CDH18: variants seen among roughly 807,000 people sequenced by gnomAD.
The protein encoded by CDH18 is cadherin 18.
CDH18 carries 31 observed loss-of-function variants against 67.9 expected under a neutral mutation model. The observed-to-expected ratio is 0.46, with a 90% CI of 0.34 to 0.62. The LOEUF (loss-of-function observed/expected upper bound fraction) is 0.62, where lower values mean the gene tolerates loss of function less well. Among genes scored for constraint, CDH18 ranks in the 20% least tolerant of loss-of-function variants. The pLI is 0.01. For missense variants in CDH18, 890 were observed against 975.5 expected, an observed-to-expected ratio of 0.91 and a Z score of 1.17; for synonymous variants, 362 against 347.2, an observed-to-expected ratio of 1.04 and a Z score of -0.48.
intron 5 of CDH18, among the ~76,000 whole-genome samples, chr5:19,705,568 G>T (rs973565816): frequency 6.6e-6 from 1 of 152,110 alleles, no homozygotes; most frequent in Non-Finnish European, 1.5e-5. Flanking sequence ...TAGATCCAGA[G>T]AATACTCTAG....
chr5:20,048,962 G>T (rs1053742283), intron 2 of CDH18, among the ~76,000 whole-genome samples: 1 of 151,578 alleles, frequency 6.6e-6, no homozygotes, highest in Non-Finnish European at 1.5e-5. Flanking sequence ...TTCAAGGAAT[G>T]CATTTACACT....
intron 1 of CDH18, among the ~76,000 whole-genome samples, chr5:20,433,067 T>C (rs1277071983): frequency 6.6e-6 from 1 of 150,410 alleles, no homozygotes; most frequent in South Asian, 2.1e-4. Flanking sequence ...TAAAACACTA[T>C]GTTAGTCACG....
intron 4 of CDH18, among the ~76,000 whole-genome samples, chr5:19,737,855 ATACT>A (rs773481256): frequency 3.2e-4 from 48 of 152,208 alleles, no homozygotes; most frequent in Non-Finnish European, 5.1e-4. Context: ...ATTTTTAGTG[ATACT>A]TGAATGATGA....
At chr5:19,484,456 T>G (rs1740024402) in intron 11 of CDH18, among the ~76,000 whole-genome samples, 1 of 152,150 alleles carries the variant, frequency 6.6e-6, no homozygotes, top group South Asian at 2.1e-4. Flanking sequence ...GCATAATATA[T>G]GTTTCATTGT....
At chr5:20,221,939 G>T (rs1044060842) in intron 2 of CDH18, among the ~76,000 whole-genome samples, 2 of 151,826 alleles carry the variant, frequency 1.3e-5, no homozygotes, top group African/African-American at 2.4e-5. Context: ...AATTTATCTT[G>T]TTGTACTTAT....
At chr5:20,295,233 A>C (rs1270471858) in intron 1 of CDH18, among the ~76,000 whole-genome samples, 1 of 152,134 alleles carries the variant, frequency 6.6e-6, no homozygotes, top group African/African-American at 2.4e-5. Context: ...TTTTGCATCT[A>C]ATTGTATATA....
intron 2 of CDH18, among the ~76,000 whole-genome samples, chr5:19,955,032 T>C (rs1304914811): frequency 6.6e-6 from 1 of 152,036 alleles, no homozygotes; most frequent in Admixed American, 6.6e-5. Context: ...AGGTGGTTTC[T>C]CCCATGCTGC....
At chr5:20,502,609 A>G (rs1279445809) in intron 1 of CDH18, among the ~76,000 whole-genome samples, 1 of 152,088 alleles carries the variant, frequency 6.6e-6, no homozygotes, top group Non-Finnish European at 1.5e-5. Context: ...CTGTAAATAC[A>G]TATTCATTCA....
At chr5:20,256,582 T>C (rs923068266) in intron 1 of CDH18, among the ~76,000 whole-genome samples, 4 of 152,004 alleles carry the variant, frequency 2.6e-5, no homozygotes, top group African/African-American at 9.7e-5. Context: ...TACTTTTATT[T>C]TGGGAATGCT....
chr5:20,140,393 C>G (rs1440009767), intron 2 of CDH18, among the ~76,000 whole-genome samples: 1 of 151,930 alleles, frequency 6.6e-6, no homozygotes, highest in East Asian at 1.9e-4. Flanking sequence ...GTGCAGCACA[C>G]CAACACAACA....
intron 1 of CDH18, among the ~76,000 whole-genome samples, chr5:20,300,811 T>A (rs1231165171): frequency 6.6e-6 from 1 of 152,332 alleles, no homozygotes; most frequent in East Asian, 1.9e-4. Context: ...TCATTTTCAC[T>A]AAAATAGTTT....
chr5:19,561,967 G>T (rs966774377), intron 8 of CDH18, among the ~76,000 whole-genome samples: 4 of 152,116 alleles, frequency 2.6e-5, no homozygotes, highest in African/African-American at 7.2e-5. Context: ...ACAGGTTGTA[G>T]ACAAAGACTT....
At chr5:19,641,204 C>A (rs567764092) in intron 5 of CDH18, among the ~76,000 whole-genome samples, 1 of 148,900 alleles carries the variant, frequency 6.7e-6, no homozygotes, top group South Asian at 2.1e-4. Flanking sequence ...TTTTAAAAAG[C>A]CCAACAAACA....
chr5:19,772,994 T>C (rs1773897572), intron 3 of CDH18, among the ~76,000 whole-genome samples: 1 of 152,290 alleles, frequency 6.6e-6, no homozygotes, highest in Admixed American at 6.5e-5. Context: ...TGAATTATTG[T>C]GTGATATTTA....
At chr5:20,470,429 T>C (rs1450621229) in intron 1 of CDH18, among the ~76,000 whole-genome samples, 1 of 152,200 alleles carries the variant, frequency 6.6e-6, no homozygotes, top group East Asian at 1.9e-4. Context: ...AGGTAATTCG[T>C]GTCTTTATTC....
intron 2 of CDH18, among the ~76,000 whole-genome samples, chr5:20,242,611 A>AAAT (rs1554106655): frequency 0.014 from 541 of 39,478 alleles, 12 homozygotes; most frequent in Non-Finnish European, 0.019. Flanking sequence ...AAAAAAAAAA[A>AAAT]ATATATATAT....
chr5:20,251,646 G>A (rs1048590713), intron 2 of CDH18, among the ~76,000 whole-genome samples: 2 of 152,170 alleles, frequency 1.3e-5, no homozygotes, highest in Admixed American at 6.5e-5. Flanking sequence ...AGTGGTGGGG[G>A]ATGAGGCAGG....
At chr5:19,968,553 T>A (rs1009951638) in intron 2 of CDH18, among the ~76,000 whole-genome samples, 1 of 151,282 alleles carries the variant, frequency 6.6e-6, no homozygotes, top group Non-Finnish European at 1.5e-5. Context: ...TCTACAACTA[T>A]CAGATCTTTG....
intron 1 of CDH18, among the ~76,000 whole-genome samples, chr5:20,292,084 C>G (rs769680055): frequency 2.0e-5 from 3 of 152,152 alleles, no homozygotes; most frequent in Non-Finnish European, 4.4e-5. Flanking sequence ...AGTAATGAAC[C>G]ATTTGCAAAG....
Sources: gnomAD v4.1 joint callset for allele counts (sites outside exome capture counted in the v4.1 genomes callset) on GRCh38, gnomAD v4.1.1 for gene constraint, MANE v1.5 for transcripts, NCBI Gene and HGNC (gene_info 2026-07-23, HGNC 2026-07-21) for gene names.